The following FAM13A variants were observed in gnomAD, a reference collection of about 807,000 sequenced individuals.
The protein encoded by FAM13A is protein FAM13A.
A neutral mutation model predicts 129.6 loss-of-function variants in FAM13A; 76 were observed. The observed-to-expected ratio is 0.59, with a 90% confidence interval of 0.49 to 0.71. FAM13A has a LOEUF of 0.71. Among genes scored for constraint, FAM13A ranks in the 30% least tolerant of loss-of-function variants. FAM13A has a pLI of 0.00. For synonymous variants in FAM13A, 443 were observed against 449.9 expected, an observed-to-expected ratio of 0.98 and a Z score of 0.20; for missense variants, 1,108 against 1,249.3, an observed-to-expected ratio of 0.89 and a Z score of 1.70.
intron 4 of FAM13A, among the ~76,000 whole-genome samples, chr4:88,969,854 T>A (rs971420345): frequency 1.3e-5 from 2 of 152,230 alleles, no homozygotes; most frequent in African/African-American, 2.4e-5. Context: ...TGGACTGGAA[T>A]CCAGTCAGTC....
At chr4:88,884,966 G>C (rs889895600) in intron 6 of FAM13A, among the ~76,000 whole-genome samples, 4 of 151,994 alleles carry the variant, frequency 2.6e-5, no homozygotes, top group Admixed American at 2.6e-4. Context: ...ACCTCTACAA[G>C]GAAAACTACA....
At position 89,056,932 on chromosome 4, in the gene FAM13A, A is replaced by G; in HGVS notation, c.27+6T>C. ...ACACAGAAGACAGAAGAAGGCCTAT[A>G]CTTACACAGATGGCTAGAGCTCCTG... On this transcript the variant is annotated splice_donor_region_variant and intron_variant, in intron 1 of 23. Coordinates refer to ENST00000264344, the MANE Select transcript of FAM13A (RefSeq NM_014883.4). The G allele has an allele frequency of 1.2e-6, 2 of 1,613,652 alleles. No individual in the cohort carries two copies. The highest frequency in any genetic ancestry group is 1.1e-5 in the South Asian group (1 of 91,030).
intron 11 of FAM13A, among the ~76,000 whole-genome samples, chr4:88,769,648 A>G (rs1041750935): frequency 6.6e-6 from 1 of 152,116 alleles, no homozygotes; most frequent in Non-Finnish European, 1.5e-5. Context: ...CCTGACCAAC[A>G]TAGTGAAACC....
chr4:88,983,120 T>G (rs1177837161), intron 4 of FAM13A, among the ~76,000 whole-genome samples: 1 of 152,170 alleles, frequency 6.6e-6, no homozygotes, highest in East Asian at 1.9e-4. Context: ...TACCTTCCTC[T>G]GTTCCTTATA....
At chr4:89,001,802 G>C (rs1322743369) in intron 3 of FAM13A, among the ~76,000 whole-genome samples, 1 of 152,164 alleles carries the variant, frequency 6.6e-6, no homozygotes, top group African/African-American at 2.4e-5. Flanking sequence ...AATGAAGAAA[G>C]AGAAAGCCCT....
intron 19 of FAM13A, among the ~76,000 whole-genome samples, chr4:88,746,197 T>C (rs1172566495): frequency 6.6e-6 from 1 of 152,346 alleles, no homozygotes; most frequent in East Asian, 1.9e-4. Context: ...CTTTTAAAAA[T>C]TTGTTTTGTT....
intron 6 of FAM13A, among the ~76,000 whole-genome samples, chr4:88,874,940 G>C (rs942854440): frequency 2.1e-4 from 32 of 152,254 alleles, no homozygotes; most frequent in African/African-American, 6.0e-4. Context: ...TACCAAAACA[G>C]AGATATAGAT....
intron 1 of FAM13A, among the ~76,000 whole-genome samples, chr4:89,055,164 G>GT: frequency 6.6e-6 from 1 of 152,282 alleles, no homozygotes; most frequent in South Asian, 2.1e-4. Context: ...AAAAAGTAGT[G>GT]TATCAGCTCA....
chr4:88,970,129 T>C (rs1759873701), intron 4 of FAM13A, among the ~76,000 whole-genome samples: 1 of 152,222 alleles, frequency 6.6e-6, no homozygotes, highest in Non-Finnish European at 1.5e-5. Context: ...TTACAGTTAC[T>C]AGAATTTTAG....
chr4:88,840,532 G>T (rs1431697936), intron 7 of FAM13A, among the ~76,000 whole-genome samples: 1 of 152,082 alleles, frequency 6.6e-6, no homozygotes, highest in South Asian at 2.1e-4. Context: ...GAGACTCAGA[G>T]TACACATACA....
At chr4:88,987,650 C>T (rs993733565) in intron 4 of FAM13A, among the ~76,000 whole-genome samples, 2 of 151,104 alleles carry the variant, frequency 1.3e-5, no homozygotes, top group Non-Finnish European at 3.0e-5. Context: ...GTCAGGAGAT[C>T]GAGACCATGG....
chr4:88,782,596 A>T (rs1191254246), intron 10 of FAM13A, among the ~76,000 whole-genome samples: 1 of 152,214 alleles, frequency 6.6e-6, no homozygotes, highest in Non-Finnish European at 1.5e-5. Context: ...TTATGAATTA[A>T]ATACTATCAT....
intron 6 of FAM13A, among the ~76,000 whole-genome samples, 179 bp downstream of exon 6, chr4:88,906,200 A>G (rs1366332891): frequency 3.3e-5 from 5 of 152,186 alleles, no homozygotes; most frequent in Admixed American, 2.6e-4. Flanking sequence ...ATGCAGGAGA[A>G]CTGCCTGAAC....
intron 5 of FAM13A, among the ~76,000 whole-genome samples, chr4:88,912,568 T>TACACACACACACAC (rs71594867): frequency 5.5e-5 from 8 of 146,098 alleles, no homozygotes; most frequent in Non-Finnish European, 9.0e-5. Context: ...CACACATACA[T>TACACACACACACAC]ACACACACAC....
intron 4 of FAM13A, among the ~76,000 whole-genome samples, chr4:88,943,817 T>C (rs892311010): frequency 2.0e-5 from 3 of 152,208 alleles, no homozygotes; most frequent in African/African-American, 4.8e-5. Flanking sequence ...TGAAGAAGAA[T>C]TATGAATTTT....
chr4:88,781,855 G>GTT (rs1722963152), intron 10 of FAM13A, among the ~76,000 whole-genome samples: 2 of 149,034 alleles, frequency 1.3e-5, no homozygotes, highest in South Asian at 2.1e-4. Context: ...TGGGGGGAGC[G>GTT]GGGAGGGATA....
At chr4:88,789,423 A>G (rs1057213467) in intron 9 of FAM13A, among the ~76,000 whole-genome samples, 6 of 152,088 alleles carry the variant, frequency 3.9e-5, no homozygotes, top group African/African-American at 1.4e-4. Flanking sequence ...TCTTCTCCCT[A>G]TCACACCACA....
At chr4:88,979,865 G>A (rs1396244494) in intron 4 of FAM13A, among the ~76,000 whole-genome samples, 2 of 152,088 alleles carry the variant, frequency 1.3e-5, no homozygotes, top group Admixed American at 1.3e-4. Context: ...TAGCTACTTG[G>A]GAGGCTGAGG....
chr4:88,975,218 G>A (rs80172936), intron 4 of FAM13A, among the ~76,000 whole-genome samples: 7,840 of 152,174 alleles, frequency 0.052, 299 homozygotes, highest in South Asian at 0.22. Context: ...ACAGAGGGCA[G>A]AGCAGAATCC....
Sources: allele counts gnomAD v4.1 joint callset (sites outside exome capture counted in the v4.1 genomes callset), GRCh38; gene constraint gnomAD v4.1.1; transcripts MANE v1.5; gene names NCBI Gene and HGNC (gene_info 2026-07-23, HGNC 2026-07-21).